Variants in NAALADL2 observed in about 807,000 individuals in gnomAD.
NAALADL2 encodes the protein inactive N-acetylated-alpha-linked acidic dipeptidase-like protein 2.
In NAALADL2, 76 loss-of-function variants were observed where a neutral mutation model predicts 87.2. The ratio of observed to expected loss-of-function variants is 0.87; its 90% CI spans 0.72 to 1.05. The LOEUF (loss-of-function observed/expected upper bound fraction) is 1.05, where lower values mean the gene tolerates loss of function less well. NAALADL2 is among the 50% of genes least tolerant of loss of function. NAALADL2 has a pLI of 0.00. For synonymous variants in NAALADL2, 354 were observed against 331.0 expected, an observed-to-expected ratio of 1.07 and a Z score of -0.75; for missense variants, 1,089 against 945.8, an observed-to-expected ratio of 1.15 and a Z score of -1.99.
At chr3:174,611,318 TAATAA>T (rs1186589551) in intron 2 of NAALADL2, among the ~76,000 whole-genome samples, 2 of 151,862 alleles carry the variant, frequency 1.3e-5, no homozygotes, top group Admixed American at 1.3e-4. Flanking sequence ...AGTATAATAA[TAATAA>T]AATAAAAATA....
chr3:175,228,698 C>A (rs900795462), intron 2 of NAALADL2, among the ~76,000 whole-genome samples: 9 of 151,862 alleles, frequency 5.9e-5, no homozygotes, highest in African/African-American at 2.2e-4. Flanking sequence ...CAAGTACAGA[C>A]AATTTTTAGT....
In NAALADL2 at chr3:175,444,594, C is replaced by G. The variant is rs576283427; in HGVS notation, c.1091-2635C>G. The stretch of plus-strand genomic sequence containing the variant: ...AGTCCCCTCTCCAAAGGGCCCCACA[C>G]TTGATTTAATGCTCTCCTATTGCCA... On this transcript the variant is annotated intron_variant, in intron 5 of 13. Coordinates refer to ENST00000454872, the MANE Select transcript of NAALADL2 (RefSeq NM_207015.3). Among the ~76,000 whole-genome samples, 24 of 152,302 alleles carry G rather than the reference C, an allele frequency of 1.6e-4. No individual in the cohort carries two copies. In the South Asian group the frequency reaches 4.8e-3, roughly 30 times the overall value.
At position 175,804,988 on chromosome 3, in the gene NAALADL2, G is replaced by A. The variant is rs1754577529; in HGVS notation, c.*1785G>A. On this transcript the variant is annotated 3_prime_UTR_variant, in exon 14 of 14. Transcript: ENST00000454872. ...TTTGCCATGTTGAAGAGTGTGTATA[G>A]GAAAGGTCTAGAAATAAATAGGCTT... is the stretch of plus-strand genomic sequence containing the variant. 6.6e-6 allele frequency: 1 copy of A among 151,822 alleles called. No homozygotes were observed. The highest frequency in any genetic ancestry group is 1.5e-5 in the Non-Finnish European group (1 of 67,868). 9.4% of individuals were successfully genotyped at this position (151,822 alleles called of 1,614,324 possible). A position where few individuals can be genotyped will look rare whatever the true frequency, so the allele number is the denominator to read the frequency against.
intron 2 of NAALADL2, among the ~76,000 whole-genome samples, chr3:174,733,950 T>C (rs1188716930): frequency 2.0e-5 from 3 of 152,212 alleles, no homozygotes; most frequent in African/African-American, 7.2e-5. Flanking sequence ...GGGGGGTCCT[T>C]TCCTGAAGAA....
chr3:175,338,272 C>CT (rs919068853), intron 5 of NAALADL2, among the ~76,000 whole-genome samples: 1 of 152,072 alleles, frequency 6.6e-6, no homozygotes, highest in Non-Finnish European at 1.5e-5. Flanking sequence ...TGGGAAGAAT[C>CT]TGATCCATTT....
In NAALADL2 at chr3:175,234,199, C is replaced by G. The variant is rs868405324; in HGVS notation, c.814C>G (p.Leu272Val). The change falls in exon 3 of 14, where the codon CTC becomes GTC. Residue 272 changes from leucine (L) to valine (V), a missense_variant. Physicochemically the swap from Leu to Val is conservative, Grantham distance 32. Coordinates refer to ENST00000454872, the MANE Select transcript of NAALADL2 (RefSeq NM_207015.3). ...TGCAGCCTATTCTGCCAAAGGAACT[C>G]TCAAGGTAATATGACCATTTGTCTC... The part of the protein sequence containing the change: ...SYAAYSAKGT[L>V]KAEVIDVSYG... The G allele has an allele frequency of 1.2e-6, 2 of 1,613,222 alleles. No individual in the cohort carries two copies. Among genetic ancestry groups the G allele is most frequent in the South Asian group, 1.1e-5 (1 of 91,026 alleles).
At chr3:175,491,787 A>G (rs1350041281) in intron 9 of NAALADL2, among the ~76,000 whole-genome samples, 3 of 152,136 alleles carry the variant, frequency 2.0e-5, no homozygotes, top group Non-Finnish European at 4.4e-5. Context: ...CCTACAATCT[A>G]TCTCCATCTG....
At chr3:175,274,316 T>C (rs1158985393) in intron 4 of NAALADL2, among the ~76,000 whole-genome samples, 1 of 152,132 alleles carries the variant, frequency 6.6e-6, no homozygotes, top group Non-Finnish European at 1.5e-5. Flanking sequence ...AAGGGCTTCC[T>C]CCCACGACAC....
chr3:174,540,155 A>C (rs1400727552), intron 1 of NAALADL2, among the ~76,000 whole-genome samples: 1 of 152,138 alleles, frequency 6.6e-6, no homozygotes, highest in East Asian at 1.9e-4. Flanking sequence ...TTGAACCAAA[A>C]GTTCACAAAA....
chr3:175,218,425 T>C (rs2109328951), intron 2 of NAALADL2, among the ~76,000 whole-genome samples: 1 of 152,346 alleles, frequency 6.6e-6, no homozygotes, highest in East Asian at 1.9e-4. Context: ...TTACAGGTGA[T>C]ATTGTTCCAA....
chr3:175,162,109 C>T (rs939229015), intron 2 of NAALADL2, among the ~76,000 whole-genome samples: 10 of 152,132 alleles, frequency 6.6e-5, no homozygotes, highest in African/African-American at 2.4e-4. Flanking sequence ...ATTACAAGGT[C>T]ATAATCTTCA....
rs886071004 is a variant in NAALADL2 at position 175,324,155 on chromosome 3, A to G, written c.940-20A>G. 5 of 1,608,832 alleles carry G rather than the reference A, an allele frequency of 3.1e-6. No homozygotes were observed. The highest frequency in any genetic ancestry group is 4.2e-6 in the Non-Finnish European group (5 of 1,177,114). On this transcript the variant is annotated intron_variant, in intron 4 of 13. Coordinates refer to ENST00000454872, the MANE Select transcript of NAALADL2 (RefSeq NM_207015.3). ...TAATGTGCATGATAATATTTTTAAT[A>G]GCTTGCTTCCCTCTTTTAGCTTTCC...
chr3:175,809,203 A>G lies in NAALADL2; in HGVS notation c.*6000A>G, dbSNP rs1361208664. The G allele has an allele frequency of 6.6e-6, 1 of 151,972 alleles. No individual in the cohort carries two copies. The highest frequency in any genetic ancestry group is 1.5e-5 in the Non-Finnish European group (1 of 67,944). The allele number at this position is 151,972 out of a possible 1,614,324, so 9.4% of individuals were successfully genotyped here. A position where few individuals can be genotyped will look rare whatever the true frequency, so the allele number is the denominator to read the frequency against. On this transcript the variant is annotated 3_prime_UTR_variant, in exon 14 of 14. Coordinates refer to ENST00000454872, the MANE Select transcript of NAALADL2 (RefSeq NM_207015.3). ...AAATACACAAACAAAATATTTTTCT[A>G]TGCTATTGCAAATTGTCCGCAGGAA... is the stretch of plus-strand genomic sequence containing the variant.
intron 2 of NAALADL2, among the ~76,000 whole-genome samples, chr3:174,565,041 C>G (rs9811762): frequency 0.019 from 2,933 of 151,906 alleles, 97 homozygotes; most frequent in African/African-American, 0.066. Flanking sequence ...TTTTACAGGA[C>G]AATTCAGAAG....
At chr3:174,979,112 G>A (rs1271995088) in intron 1 of NAALADL2, among the ~76,000 whole-genome samples, 1 of 151,920 alleles carries the variant, frequency 6.6e-6, no homozygotes, top group Non-Finnish European at 1.5e-5. Context: ...ATATTCTTCA[G>A]AATTTCTTAG....
chr3:174,809,279 T>C (rs1719878985), intron 3 of NAALADL2, among the ~76,000 whole-genome samples: 2 of 152,302 alleles, frequency 1.3e-5, no homozygotes, highest in East Asian at 1.9e-4. Flanking sequence ...TCTATTTTTC[T>C]TGTGGTTGTT....
At chr3:175,170,379 G>T (rs1223463400) in intron 2 of NAALADL2, among the ~76,000 whole-genome samples, 1 of 148,206 alleles carries the variant, frequency 6.7e-6, no homozygotes, top group African/African-American at 2.5e-5. Context: ...ATTGTCATTG[G>T]TTACTTAACA....
intron 2 of NAALADL2, among the ~76,000 whole-genome samples, chr3:175,102,208 G>T (rs2108423129): frequency 6.6e-6 from 1 of 152,122 alleles, no homozygotes; most frequent in Non-Finnish European, 1.5e-5. Flanking sequence ...AAACATTCTT[G>T]TACATAAATC....
At chr3:174,817,953 A>G (rs1030530111) in intron 3 of NAALADL2, among the ~76,000 whole-genome samples, 1 of 152,198 alleles carries the variant, frequency 6.6e-6, no homozygotes, top group African/African-American at 2.4e-5. Flanking sequence ...ATATTTCTAT[A>G]GTAACTTTAT....
Sources: gnomAD v4.1 joint callset for allele counts (sites outside exome capture counted in the v4.1 genomes callset) on GRCh38, gnomAD v4.1.1 for gene constraint, MANE v1.5 for transcripts, NCBI Gene and HGNC (gene_info 2026-07-23, HGNC 2026-07-21) for gene names.